The following EFR3B variants were observed in gnomAD, a reference collection of about 807,000 sequenced individuals.
EFR3B encodes the protein EFR3 homolog B, also known as protein EFR3 homolog B.
EFR3B carries 64 observed loss-of-function variants against 104.7 expected under a neutral mutation model. The observed-to-expected ratio is 0.61, with a 90% CI of 0.50 to 0.75. The LOEUF is 0.75. Ranked by LOEUF, EFR3B falls within the 30% of genes least tolerant of loss-of-function variation. EFR3B has a pLI of 0.00. For synonymous variants in EFR3B, 385 were observed against 417.9 expected (o/e 0.92, Z 0.96); for missense variants, 750 against 1,078.5 (o/e 0.70, Z 4.27).
chr2:25,093,261 A>G, intron 3 of EFR3B, 131 bp downstream of exon 3: 1 of 1,244,466 alleles, frequency 8.0e-7, no homozygotes, highest in Non-Finnish European at 1.1e-6. Context: ...TTGGGAGGTC[A>G]AGGTGGGAGG....
At chr2:25,140,180 G>A (rs1296867610) in intron 16 of EFR3B, among the ~76,000 whole-genome samples, 1 of 152,114 alleles carries the variant, frequency 6.6e-6, no homozygotes, top group African/African-American at 2.4e-5. Flanking sequence ...GGGCATGGTG[G>A]CGCACACCTG....
chr2:25,070,075 A>G (rs1668453173), intron 1 of EFR3B, among the ~76,000 whole-genome samples: 1 of 152,148 alleles, frequency 6.6e-6, no homozygotes, highest in South Asian at 2.1e-4. Flanking sequence ...ACTCCTGGCT[A>G]TTGCCATGGC....
chr2:25,133,034 C>T lies in EFR3B; in HGVS notation c.1259+20C>T, dbSNP rs764608762. The T allele has an allele frequency of 4.5e-6, 7 of 1,543,494 alleles. 1 individual carries two copies. In the South Asian group the frequency reaches 7.2e-5, roughly 16 times the overall value. ...GACGGGGTGAGCCACCAATCTCCCC[C>T]AGCCTGGAGTCCTCCTCTCCCCCAG... On this transcript the variant is annotated intron_variant, in intron 11 of 22. Transcript: ENST00000403714.
intron 3 of EFR3B, 96 bp downstream of exon 3, chr2:25,093,226 G>C: frequency 1.4e-6 from 2 of 1,455,950 alleles, no homozygotes; most frequent in Non-Finnish European, 1.8e-6. Flanking sequence ...CAGGCAGAGT[G>C]GCTCACGCCT....
intron 4 of EFR3B, among the ~76,000 whole-genome samples, chr2:25,119,380 C>T (rs899463689): frequency 6.6e-6 from 1 of 152,176 alleles, no homozygotes; most frequent in Admixed American, 6.5e-5. Context: ...GGAGTGCAGC[C>T]GGGGAACATG....
chr2:25,078,066 A>G (rs1327427750), intron 1 of EFR3B, among the ~76,000 whole-genome samples: 1 of 152,180 alleles, frequency 6.6e-6, no homozygotes, highest in Non-Finnish European at 1.5e-5. Flanking sequence ...ATTGTGACAT[A>G]TCCTTGACCT....
In EFR3B at chr2:25,136,429, A is replaced by G; in HGVS notation, c.1485-94A>G. On this transcript the variant is annotated intron_variant, in intron 13 of 22. Coordinates refer to ENST00000403714, the MANE Select transcript of EFR3B (RefSeq NM_014971.2). The surrounding 1 kb of genome is among the most constrained non-coding windows in gnomAD (Gnocchi z 4.0). ...AGGGGAGCACTGGAGGCTTTGTACC[A>G]ACTAACAATGTTGGGGATAAAGCTC... 9.8e-7 allele frequency: 1 copy of G among 1,017,876 alleles called. No individual in the cohort carries two copies. The highest frequency in any genetic ancestry group is 2.2e-5 in the Admixed American group (1 of 45,556). 63.1% of individuals were successfully genotyped at this position (1,017,876 alleles called of 1,614,324 possible). A position where few individuals can be genotyped will look rare whatever the true frequency, so the allele number is the denominator to read the frequency against.
intron 17 of EFR3B, among the ~76,000 whole-genome samples, chr2:25,142,845 T>A (rs1670709697): frequency 6.7e-6 from 1 of 149,230 alleles, no homozygotes; most frequent in Non-Finnish European, 1.5e-5. Context: ...AGCAGGAAGA[T>A]CACTTTAGCC....
At chr2:25,124,427 C>T (rs1295434343) in intron 5 of EFR3B, among the ~76,000 whole-genome samples, 1 of 151,444 alleles carries the variant, frequency 6.6e-6, no homozygotes, top group Non-Finnish European at 1.5e-5. Context: ...CCACTGTGCC[C>T]ATTAAGAGGA....
intron 18 of EFR3B, 77 bp from the exon 19 acceptor site, chr2:25,144,883 A>T (rs2149211849): frequency 3.2e-6 from 4 of 1,267,214 alleles, no homozygotes; most frequent in Non-Finnish European, 4.5e-6. Context: ...GCAGAGGGGT[A>T]GGGAGGTGGG....
intron 1 of EFR3B, among the ~76,000 whole-genome samples, chr2:25,061,053 A>G (rs1423737391): frequency 6.6e-6 from 1 of 152,154 alleles, no homozygotes; most frequent in Non-Finnish European, 1.5e-5. Context: ...CATATTCCAC[A>G]GAAGAGAATA....
At position 25,143,792 on chromosome 2, in the gene EFR3B, C is replaced by T. The variant is rs375139539; in HGVS notation, c.1980C>T (p.Ile660=). Residue 660 remains isoleucine (I), a synonymous_variant, in exon 18 of 23, where the codon ATC becomes ATT. Transcript: ENST00000403714. ...AGCTCCTCTTCCGCCAGAGCAAGAT[C>T]AGTGAAGTCCTGGGAGGCAGTGGCT... ...VIELLFRQSK[I]SEVLGGSGYN... 93 of 1,551,662 alleles carry T rather than the reference C, an allele frequency of 6.0e-5. No individual in the cohort carries two copies. In the East Asian group the frequency reaches 1.3e-3, roughly 21 times the overall value.
At chr2:25,111,608 C>G (rs908824067) in intron 4 of EFR3B, among the ~76,000 whole-genome samples, 2 of 152,180 alleles carry the variant, frequency 1.3e-5, no homozygotes, top group Admixed American at 6.5e-5. Flanking sequence ...CAGATGTGAT[C>G]AAGTTAAGAA....
chr2:25,130,192 G>T lies in EFR3B; in HGVS notation c.770+83G>T. 2 of 1,533,626 alleles carry T rather than the reference G, an allele frequency of 1.3e-6. No homozygotes were observed. Among genetic ancestry groups the T allele is most frequent in the Non-Finnish European group, 1.8e-6 (2 of 1,134,284 alleles). On this transcript the variant is annotated intron_variant, in intron 7 of 22. Coordinates refer to ENST00000403714, the MANE Select transcript of EFR3B (RefSeq NM_014971.2). The surrounding 1 kb of genome is among the most constrained non-coding windows in gnomAD (Gnocchi z 4.6). ...CCCTGGCATCTCCTGGCTGGCTGGG[G>T]GGAAGGGGATATTACAGTTGTGGTG...
chr2:25,154,580 C>T lies in EFR3B; in HGVS notation c.*240C>T. 1 of 478,680 alleles carries T rather than the reference C, an allele frequency of 2.1e-6. No homozygotes were observed. The highest frequency in any genetic ancestry group is 3.7e-6 in the Non-Finnish European group (1 of 271,876). 29.7% of individuals were successfully genotyped at this position (478,680 alleles called of 1,614,324 possible). A position where few individuals can be genotyped will look rare whatever the true frequency, so the allele number is the denominator to read the frequency against. On this transcript the variant is annotated 3_prime_UTR_variant, in exon 23 of 23. Coordinates refer to ENST00000403714, the MANE Select transcript of EFR3B (RefSeq NM_014971.2). The surrounding 1 kb of genome is among the most constrained non-coding windows in gnomAD (Gnocchi z 4.1). Reference sequence around the variant, plus strand: ...ATCTCACCTGTGCCCTCTTTGTCTTCTCTTGTGTCAGCCAGGGGCAGAGAA... The same window carrying T: ...ATCTCACCTGTGCCCTCTTTGTCTTTTCTTGTGTCAGCCAGGGGCAGAGAA...
In EFR3B at chr2:25,131,282, C is replaced by T; in HGVS notation, c.850-86C>T. 1 of 1,497,788 alleles carries T rather than the reference C, an allele frequency of 6.7e-7. No individual in the cohort carries two copies. The highest frequency in any genetic ancestry group is 8.9e-7 in the Non-Finnish European group (1 of 1,118,424). 92.8% of individuals were successfully genotyped at this position (1,497,788 alleles called of 1,614,324 possible). On this transcript the variant is annotated intron_variant, in intron 8 of 22. Transcript: ENST00000403714. The surrounding 1 kb of genome is among the most constrained non-coding windows in gnomAD (Gnocchi z 7.6). ...CCTTGGAACGTCCCTTTAGTTTACCCCCGCCTTTGGGTGCCAGGAGAGGGC... is the reference window on the plus strand; with the variant it reads ...CCTTGGAACGTCCCTTTAGTTTACCTCCGCCTTTGGGTGCCAGGAGAGGGC...
At chr2:25,059,789 C>T (rs954435157) in intron 1 of EFR3B, among the ~76,000 whole-genome samples, 6 of 147,890 alleles carry the variant, frequency 4.1e-5, no homozygotes, top group South Asian at 4.3e-4. Context: ...GCAGGAGAAT[C>T]GCTTGAACCC....
chr2:25,068,470 T>A (rs2149173052), intron 1 of EFR3B, among the ~76,000 whole-genome samples: 1 of 152,270 alleles, frequency 6.6e-6, no homozygotes, highest in Admixed American at 6.5e-5. Flanking sequence ...CTAAGTTAGA[T>A]TTCTCAAGCC....
chr2:25,124,548 C>T (rs545135200), intron 5 of EFR3B, among the ~76,000 whole-genome samples: 21 of 151,610 alleles, frequency 1.4e-4, no homozygotes, highest in Admixed American at 4.6e-4. Context: ...CTGGCTAACA[C>T]GGTGAAACCC....
Sources: allele counts gnomAD v4.1 joint callset (sites outside exome capture counted in the v4.1 genomes callset), GRCh38; gene constraint gnomAD v4.1.1; non-coding constraint Gnocchi (gnomAD v3.1); transcripts MANE v1.5; gene names NCBI Gene and HGNC (gene_info 2026-07-23, HGNC 2026-07-21).